RTN3: variants seen among roughly 807,000 people sequenced by gnomAD.
RTN3 encodes reticulon 3.
Under a neutral mutation model 77.8 loss-of-function variants are expected in RTN3, and 49 were observed. That is an observed-to-expected ratio of 0.63 (90% CI 0.50 to 0.80). RTN3 has a LOEUF of 0.80. RTN3 is among the 30% of genes least tolerant of loss of function. RTN3 has a pLI of 0.00. For synonymous variants in RTN3, 464 were observed against 446.9 expected (o/e 1.04, Z -0.48); for missense variants, 1,236 against 1,211.9 (o/e 1.02, Z -0.29).
At chr11:63,743,167 C>G (rs958765157) in intron 3 of RTN3, among the ~76,000 whole-genome samples, 2 of 152,184 alleles carry the variant, frequency 1.3e-5, no homozygotes, top group Non-Finnish European at 2.9e-5. Flanking sequence ...TCCCAAAGTG[C>G]TGGGATTACA....
rs577659772 is a variant in RTN3 at position 63,694,573 on chromosome 11, A to G, written c.143-10278A>G. ...CTACAACGTCCATGTCCTGGGCTCA[A>G]GCCGTCCTCCCACCTCAGCCTCCGG... On this transcript the variant is annotated intron_variant, in intron 1 of 8. Coordinates refer to ENST00000377819, the MANE Select transcript of RTN3 (RefSeq NM_001265589.2). Among the ~76,000 whole-genome samples the G allele has an allele frequency of 5.5e-4, 84 of 152,248 alleles. No homozygotes were observed. In the South Asian group the frequency reaches 0.011, roughly 21 times the overall value.
At chr11:63,735,310 A>G (rs369141335) in intron 3 of RTN3, among the ~76,000 whole-genome samples, 5 of 152,146 alleles carry the variant, frequency 3.3e-5, no homozygotes, top group Non-Finnish European at 7.4e-5. Context: ...ATTTTTTTAA[A>G]TAAGTAGTTC....
intron 2 of RTN3, among the ~76,000 whole-genome samples, chr11:63,712,199 A>G (rs1162728608): frequency 6.6e-6 from 1 of 152,190 alleles, no homozygotes; most frequent in Non-Finnish European, 1.5e-5. Flanking sequence ...TGTATTATAT[A>G]CCAGATGAAG....
intron 1 of RTN3, among the ~76,000 whole-genome samples, chr11:63,696,362 A>C (rs1304238340): frequency 1.3e-5 from 2 of 150,472 alleles, no homozygotes; most frequent in East Asian, 2.0e-4. Context: ...ACACCACTGC[A>C]CTCCAGCCTG....
At chr11:63,682,056 C>T (rs1020566329) in intron 1 of RTN3, among the ~76,000 whole-genome samples, 1 of 152,204 alleles carries the variant, frequency 6.6e-6, no homozygotes, top group Non-Finnish European at 1.5e-5. Context: ...GGGAAAAATA[C>T]CAGCTCGTGG....
intron 7 of RTN3, among the ~76,000 whole-genome samples, chr11:63,754,700 A>C (rs2014276123): frequency 6.9e-4 from 3 of 4,324 alleles, no homozygotes; most frequent in Non-Finnish European, 4.9e-3. Context: ...ACTCCATCTC[A>C]AAAAAAAAAA....
rs578089554 is a variant in RTN3 at position 63,700,564 on chromosome 11, G to A, written c.143-4287G>A. Among the ~76,000 whole-genome samples the A allele has an allele frequency of 1.3e-3, 199 of 150,614 alleles. 1 individual carries two copies. Among genetic ancestry groups the A allele is most frequent in the African/African-American group, 4.6e-3 (190 of 41,054 alleles). ...CTCCCAAAGTGTGGGGATTACAGGC[G>A]TGAGCCACCTCACCTGACCTGTTTC... On this transcript the variant is annotated intron_variant, in intron 1 of 8. Transcript: ENST00000377819.
chr11:63,740,276 C>T (rs758130489), intron 3 of RTN3, among the ~76,000 whole-genome samples: 5 of 151,530 alleles, frequency 3.3e-5, no homozygotes, highest in African/African-American at 4.8e-5. Flanking sequence ...CTAACCTCCC[C>T]ATCTTAGTTT....
At chr11:63,757,722 C>CTT (rs71039672) in intron 8 of RTN3, among the ~76,000 whole-genome samples, 4 of 106,348 alleles carry the variant, frequency 3.8e-5, no homozygotes, top group African/African-American at 6.4e-5. Flanking sequence ...TTCTTTTTTT[C>CTT]TTTTTTTTTT....
Position 63,720,495 on chromosome 11 carries a change from G to T in RTN3, c.1993G>T (p.Gly665Ter). The T allele has an allele frequency of 6.2e-7, 1 of 1,613,584 alleles. No individual in the cohort carries two copies. The highest frequency in any genetic ancestry group is 8.5e-7 in the Non-Finnish European group (1 of 1,179,892). ...AGCCTTTACAGAAACCAGAGATAAA[G>T]GAATAGTAGATAGTGAAAGAAATGC... ...IAAFTETRDKGIVDSERNAFK... is the reference protein window; with the variant it reads ...IAAFTETRDK The change falls in exon 3 of 9, where the codon GGA (glycine) becomes TGA (stop). Residue 665 changes from glycine to a stop codon, truncating the protein, a stop_gained. Coordinates refer to ENST00000377819, the MANE Select transcript of RTN3 (RefSeq NM_001265589.2). LOFTEE classifies it high-confidence loss of function.
intron 2 of RTN3, among the ~76,000 whole-genome samples, chr11:63,713,673 C>T (rs1039916028): frequency 2.6e-5 from 4 of 151,952 alleles, no homozygotes; most frequent in Non-Finnish European, 5.9e-5. Flanking sequence ...AGAGTAGCAC[C>T]ATGTTTTTAA....
intron 1 of RTN3, among the ~76,000 whole-genome samples, chr11:63,692,303 A>G (rs1184323881): frequency 6.6e-6 from 1 of 151,670 alleles, no homozygotes; most frequent in Admixed American, 6.6e-5. Context: ...GATTACAGGC[A>G]TGAGCCACTG....
chr11:63,685,107 A>G (rs539857428), intron 1 of RTN3, among the ~76,000 whole-genome samples: 3 of 152,264 alleles, frequency 2.0e-5, no homozygotes, highest in South Asian at 2.1e-4. Flanking sequence ...GTGCATTCAT[A>G]TTGTCTAAAA....
chr11:63,706,088 A>G (rs989907593), intron 2 of RTN3, among the ~76,000 whole-genome samples: 4 of 152,208 alleles, frequency 2.6e-5, no homozygotes, highest in Admixed American at 6.5e-5. Context: ...TTTTATAAGA[A>G]TAAAAACATA....
At chr11:63,713,974 C>T (rs1375394368) in intron 2 of RTN3, 1 of 517,562 alleles carries the variant, frequency 1.9e-6, no homozygotes, top group African/African-American at 1.9e-5. Flanking sequence ...TTGCCAGGTA[C>T]TGACTTGGGC....
chr11:63,690,219 T>G (rs1941583748), intron 1 of RTN3, among the ~76,000 whole-genome samples: 1 of 152,198 alleles, frequency 6.6e-6, no homozygotes, highest in African/African-American at 2.4e-5. Context: ...TGGAAAACCT[T>G]TTGTTATGAA....
intron 1 of RTN3, among the ~76,000 whole-genome samples, chr11:63,698,406 A>T (rs1041084508): frequency 1.3e-5 from 2 of 152,200 alleles, no homozygotes; most frequent in Admixed American, 1.3e-4. Flanking sequence ...GATTACAGGC[A>T]TCAGCTACTG....
intron 2 of RTN3, among the ~76,000 whole-genome samples, chr11:63,711,070 G>C (rs190150591): frequency 6.6e-6 from 1 of 152,020 alleles, no homozygotes; most frequent in Non-Finnish European, 1.5e-5. Flanking sequence ...ACTTGAGGTC[G>C]GGAATTTGAG....
chr11:63,701,612 C>T (rs974658343), intron 1 of RTN3, among the ~76,000 whole-genome samples: 4 of 151,924 alleles, frequency 2.6e-5, no homozygotes, highest in East Asian at 1.9e-4. Flanking sequence ...ACAGGCATGT[C>T]ACATGGCAAA....
Sources: gnomAD v4.1 joint callset for allele counts (sites outside exome capture counted in the v4.1 genomes callset) on GRCh38, gnomAD v4.1.1 for gene constraint, MANE v1.5 for transcripts, NCBI Gene and HGNC (gene_info 2026-07-23, HGNC 2026-07-21) for gene names.